Variants in SLK observed in about 807,000 individuals in gnomAD.
SLK encodes the protein STE20-like serine/threonine-protein kinase.
A neutral mutation model predicts 147.7 loss-of-function variants in SLK; 67 were observed. The observed-to-expected ratio is 0.45, with a 90% CI of 0.37 to 0.56. The LOEUF (loss-of-function observed/expected upper bound fraction) is 0.56, where lower values mean the gene tolerates loss of function less well. SLK is among the 20% of genes least tolerant of loss of function. SLK has a pLI of 0.00. For synonymous variants in SLK, 441 were observed against 475.0 expected (o/e 0.93, Z 0.93); for missense variants, 1,136 against 1,438.8 (o/e 0.79, Z 3.41).
At chr10:104,025,034 G>A (rs2134542859) in intron 18 of SLK, among the ~76,000 whole-genome samples, 1 of 152,240 alleles carries the variant, frequency 6.6e-6, no homozygotes, top group East Asian at 1.9e-4. Flanking sequence ...ACATCACAAT[G>A]GTGCCTCTTA....
chr10:103,980,528 A>G (rs536589515), intron 1 of SLK, among the ~76,000 whole-genome samples: 6 of 152,098 alleles, frequency 3.9e-5, no homozygotes, highest in Non-Finnish European at 2.9e-5. Flanking sequence ...CTGTTCTTCT[A>G]CTTTTTGATA....
chr10:104,024,401 T>C (rs571248273), intron 18 of SLK, among the ~76,000 whole-genome samples: 1 of 152,342 alleles, frequency 6.6e-6, no homozygotes, highest in South Asian at 2.1e-4. Flanking sequence ...ATGCCTCAGT[T>C]TGACTGTGAA....
At chr10:104,009,235 T>C (rs558850047) in intron 12 of SLK, among the ~76,000 whole-genome samples, 1 of 152,220 alleles carries the variant, frequency 6.6e-6, no homozygotes, top group South Asian at 2.1e-4. Context: ...CCAGAGACAA[T>C]GATTGTGATC....
At chr10:103,981,236 T>G (rs1843938402) in intron 1 of SLK, among the ~76,000 whole-genome samples, 1 of 152,104 alleles carries the variant, frequency 6.6e-6, no homozygotes, top group Admixed American at 6.6e-5. Context: ...TGTCTGTATA[T>G]TCTGGATATT....
intron 13 of SLK, among the ~76,000 whole-genome samples, chr10:104,016,982 G>A (rs1182817778): frequency 2.6e-5 from 4 of 152,230 alleles, no homozygotes; most frequent in African/African-American, 9.6e-5. Flanking sequence ...TGCTGTAACT[G>A]CCAAGAGAGG....
chr10:103,987,599 TTAG>T (rs2134464464), intron 1 of SLK, among the ~76,000 whole-genome samples: 1 of 152,340 alleles, frequency 6.6e-6, no homozygotes, highest in African/African-American at 2.4e-5. Flanking sequence ...TTTAAAAAAT[TTAG>T]TATCTGTTTT....
Position 104,002,543 on chromosome 10 carries a change from A to G in SLK, c.1365A>G (p.Ile455Met). ...NSVSEGKENN[I>M]MITLETNIEH... is the part of the protein sequence containing the mutation. ...TCAGTGAAGGAAAAGAGAATAATAT[A>G]ATGATAACCTTAGAAACAAATATTG... Residue 455 changes from isoleucine to methionine, a missense_variant, in exon 9 of 19, where the codon ATA (isoleucine) becomes ATG (methionine). Physicochemically the swap from Ile to Met is conservative, Grantham distance 10. Coordinates refer to ENST00000369755, the MANE Select transcript of SLK (RefSeq NM_014720.4). 6.2e-7 allele frequency: 1 copy of G among 1,608,564 alleles called. No homozygotes were observed. Among genetic ancestry groups the G allele is most frequent in the South Asian group, 1.1e-5 (1 of 90,564 alleles).
intron 1 of SLK, among the ~76,000 whole-genome samples, chr10:103,971,523 T>A (rs1380359147): frequency 6.6e-6 from 1 of 152,208 alleles, no homozygotes; most frequent in Non-Finnish European, 1.5e-5. Context: ...CCGCCTGCCT[T>A]GGCCTCCCAA....
chr10:104,017,096 C>CT (rs138709709), intron 13 of SLK, among the ~76,000 whole-genome samples: 2,001 of 152,144 alleles, frequency 0.013, 43 homozygotes, highest in African/African-American at 0.046. Context: ...TTAACATTTC[C>CT]TTTTTTTGCA....
chr10:103,978,476 G>A (rs1843898511), intron 1 of SLK, among the ~76,000 whole-genome samples: 1 of 151,986 alleles, frequency 6.6e-6, no homozygotes, highest in Non-Finnish European at 1.5e-5. Flanking sequence ...TCACTTTTAT[G>A]TACCAAAATG....
At chr10:103,971,921 C>T (rs1336709669) in intron 1 of SLK, among the ~76,000 whole-genome samples, 1 of 152,218 alleles carries the variant, frequency 6.6e-6, no homozygotes, top group African/African-American at 2.4e-5. Flanking sequence ...AAGGAAACCA[C>T]TATCCTATCT....
rs1047039188 is a variant in SLK at position 104,025,935 on chromosome 10, A to G, written c.*215A>G. The G allele has an allele frequency of 2.3e-6, 1 of 427,602 alleles. No individual in the cohort carries two copies. The allele number at this position is 427,602 out of a possible 1,614,324, so 26.5% of individuals were successfully genotyped here. A position where few individuals can be genotyped will look rare whatever the true frequency, so the allele number is the denominator to read the frequency against. On this transcript the variant is annotated 3_prime_UTR_variant, in exon 19 of 19. Transcript: ENST00000369755. ...CGCTAGGCCATGTTGGCAAAGTAGCATCTTGGTGACTAAGGTGACTTTGTA... is the reference window on the plus strand; with the variant it reads ...CGCTAGGCCATGTTGGCAAAGTAGCGTCTTGGTGACTAAGGTGACTTTGTA...
Position 104,002,287 on chromosome 10 carries a change from G to A in SLK, c.1109G>A (p.Ser370Asn). 1.2e-6 allele frequency: 2 copies of A among 1,613,746 alleles called. No homozygotes were observed. The highest frequency in any genetic ancestry group is 8.5e-7 in the Non-Finnish European group (1 of 1,179,788). Residue 370 changes from serine (S) to asparagine (N), a missense_variant, in exon 9 of 19, where the codon AGT (serine) becomes AAT (asparagine). Ser to Asn is a conservative substitution (Grantham distance 46). Coordinates refer to ENST00000369755, the MANE Select transcript of SLK (RefSeq NM_014720.4). ...TCTGTCTCAGAAAAAACAGAACGTAGTAACTCTGAAGATAAACTCAACAGC... is the reference window on the plus strand; with the variant it reads ...TCTGTCTCAGAAAAAACAGAACGTAATAACTCTGAAGATAAACTCAACAGC... ...LESVSEKTER[S>N]NSEDKLNSKI...
intron 11 of SLK, among the ~76,000 whole-genome samples, 176 bp from the exon 12 acceptor site, chr10:104,008,000 AT>A (rs910450932): frequency 6.6e-6 from 1 of 152,006 alleles, no homozygotes; most frequent in Non-Finnish European, 1.5e-5. Context: ...AAAAGAACTC[AT>A]TTTTTTGAGA....
intron 1 of SLK, among the ~76,000 whole-genome samples, chr10:103,971,617 T>G (rs879420395): frequency 3.7e-4 from 57 of 152,350 alleles, no homozygotes; most frequent in Middle Eastern, 3.4e-3. Context: ...AAGAATGACA[T>G]AAGATTATGA....
intron 8 of SLK, 73 bp from the exon 9 acceptor site, chr10:104,002,099 T>C (rs1844256181): frequency 1.9e-6 from 2 of 1,056,154 alleles, no homozygotes; most frequent in South Asian, 3.7e-5. Flanking sequence ...GAAATCACTG[T>C]AGGTCTGTAA....
At chr10:103,986,834 A>C (rs117393981) in intron 1 of SLK, among the ~76,000 whole-genome samples, 1 of 151,956 alleles carries the variant, frequency 6.6e-6, no homozygotes, top group Non-Finnish European at 1.5e-5. Context: ...ATCCGCCACC[A>C]TGCCTGGTTA....
chr10:103,975,189 C>T (rs76416280), intron 1 of SLK, among the ~76,000 whole-genome samples: 2,444 of 150,644 alleles, frequency 0.016, 67 homozygotes, highest in African/African-American at 0.056. Context: ...CTAAGACCTC[C>T]CTTTTGAACT....
chr10:104,023,840 T>C (rs567877548), intron 18 of SLK, among the ~76,000 whole-genome samples: 1 of 152,382 alleles, frequency 6.6e-6, no homozygotes, highest in East Asian at 1.9e-4. Context: ...TTTATTGATA[T>C]GTACCCAGTT....
Sources: gnomAD v4.1 joint callset for allele counts (sites outside exome capture counted in the v4.1 genomes callset) on GRCh38, gnomAD v4.1.1 for gene constraint, MANE v1.5 for transcripts, NCBI Gene and HGNC (gene_info 2026-07-23, HGNC 2026-07-21) for gene names.